Variants in EIF2B4 observed in about 807,000 individuals in gnomAD.
EIF2B4 encodes the protein eukaryotic translation initiation factor 2B subunit delta.
A neutral mutation model predicts 66.7 loss-of-function variants in EIF2B4; 34 were observed. The observed-to-expected ratio is 0.51, with a 90% CI of 0.39 to 0.68. EIF2B4 has a LOEUF of 0.68. Ranked by LOEUF, EIF2B4 falls within the 30% of genes least tolerant of loss-of-function variation. The pLI is 0.00. For missense variants in EIF2B4, 618 were observed against 657.9 expected, an observed-to-expected ratio of 0.94 and a Z score of 0.66; for synonymous variants, 278 against 253.6, an observed-to-expected ratio of 1.10 and a Z score of -0.92.
chr2:27,367,124 G>T lies in EIF2B4; in HGVS notation c.963C>A (p.Arg321=). ...KIVLAAQAIS[R]FAYQKISNGD... Reference sequence around the variant, plus strand: ...CATTACTGATCTTCTGGTAAGCAAAGCGTGAAATTGCCTGAGCTGCTAGCA... The same window carrying T: ...CATTACTGATCTTCTGGTAAGCAAATCGTGAAATTGCCTGAGCTGCTAGCA... Residue 321 remains arginine, a synonymous_variant, in exon 10 of 13, where the codon CGC becomes CGA. Coordinates refer to ENST00000347454, the MANE Select transcript of EIF2B4 (RefSeq NM_001034116.2). 1 of 1,614,194 alleles carries T rather than the reference G, an allele frequency of 6.2e-7. No individual in the cohort carries two copies. The highest frequency in any genetic ancestry group is 8.5e-7 in the Non-Finnish European group (1 of 1,180,048).
In EIF2B4 at chr2:27,364,872, A is replaced by T. The variant is rs753573267; in HGVS notation, c.1218T>A (p.His406Gln). 4 of 1,614,184 alleles carry T rather than the reference A, an allele frequency of 2.5e-6. No homozygotes were observed. Among genetic ancestry groups the T allele is most frequent in the Middle Eastern group, 1.6e-4 (1 of 6,062 alleles). Residue 406 changes from histidine (H) to glutamine (Q), a missense_variant, in exon 12 of 13, where the codon CAT (histidine) becomes CAA (glutamine). Physicochemically the swap from His to Gln is conservative, Grantham distance 24. Around this residue, in one of 4 missense-constraint regions of EIF2B4, gnomAD observed 506 missense variants for 511.9 expected, o/e 0.99. Coordinates refer to ENST00000347454, the MANE Select transcript of EIF2B4 (RefSeq NM_001034116.2). ...PEVSKVLLGA[H>Q]ALLANGSVMS... ...TCACAGACCCGTTGGCCAAGAGTGC[A>T]TGAGCTCCCAATAGCACCTTGGAAA...
At chr2:27,367,361 CA>C in intron 9 of EIF2B4, 95 bp downstream of exon 9, 7 of 1,582,792 alleles carry the variant, frequency 4.4e-6, no homozygotes, top group Non-Finnish European at 5.2e-6. Flanking sequence ...TTGACTAGGG[CA>C]AAAAAAGGCT....
rs534790807 is a variant in EIF2B4, at chr2:27,368,750, A to G, written c.419-17T>C. ...GCTTCACTCCTGAAAGATAATCATC[A>G]TGTTTTCAGGACACTGTAGGTCTTG... On this transcript the variant is annotated splice_polypyrimidine_tract_variant and intron_variant, in intron 4 of 12. Coordinates refer to ENST00000347454, the MANE Select transcript of EIF2B4 (RefSeq NM_001034116.2). 1 of 1,612,860 alleles carries G rather than the reference A, an allele frequency of 6.2e-7. No individual in the cohort carries two copies. The highest frequency in any genetic ancestry group is 1.3e-5 in the African/African-American group (1 of 75,018).
chr2:27,368,928 G>A (rs1682091565), intron 4 of EIF2B4, 78 bp downstream of exon 4: 7 of 1,558,204 alleles, frequency 4.5e-6, no homozygotes, highest in Non-Finnish European at 6.2e-6. Context: ...TGAGAGGGGA[G>A]AGCTGTTTTA....
At chr2:27,366,350 G>T in intron 11 of EIF2B4, 1 of 284,718 alleles carries the variant, frequency 3.5e-6, no homozygotes, top group Non-Finnish European at 6.9e-6. Flanking sequence ...CAGGCATTGA[G>T]CCATGGCACC....
rs1443294556 is a variant in EIF2B4, at chr2:27,369,132, C to A, written c.292G>T (p.Ala98Ser). Residue 98 changes from alanine (A) to serine (S), a missense_variant, in exon 4 of 13, where the codon GCC (alanine) becomes TCC (serine). Around this residue, in one of 4 missense-constraint regions of EIF2B4, gnomAD observed 506 missense variants for 511.9 expected, o/e 0.99. Coordinates refer to ENST00000347454, the MANE Select transcript of EIF2B4 (RefSeq NM_001034116.2). Reference protein sequence around the residue: ...REKVPAGRSKAELRAERRAKQ... With the variant: ...REKVPAGRSKSELRAERRAKQ... ...GCTCGACGCTCAGCCCGAAGTTCGG[C>A]CTTACTCCGACCAGCTGGAACTTTC... 6.2e-7 allele frequency: 1 copy of A among 1,613,918 alleles called. No homozygotes were observed. The highest frequency in any genetic ancestry group is 1.3e-5 in the African/African-American group (1 of 74,874).
chr2:27,367,584 T>C lies in EIF2B4; in HGVS notation c.783-25A>G, dbSNP rs757416877. 9.9e-6 allele frequency: 16 copies of C among 1,612,618 alleles called. 1 individual carries two copies. Among genetic ancestry groups the C allele is most frequent in the Admixed American group, 6.7e-5 (4 of 59,994 alleles). On this transcript the variant is annotated intron_variant, in intron 8 of 12. Transcript: ENST00000347454. ...GCTATAATACAACAGCAATACCTTA[T>C]ATCTGCGCAACTCTTCACAACTTAC...
Position 27,367,738 on chromosome 2 carries a change from G to A in EIF2B4, c.782+8C>T. 1 of 1,608,042 alleles carries A rather than the reference G, an allele frequency of 6.2e-7. No individual in the cohort carries two copies. Among genetic ancestry groups the A allele is most frequent in the Non-Finnish European group, 8.5e-7 (1 of 1,174,480 alleles). ...GAGCTGGGAGTGGACTTATAGTGTT[G>A]TCCCTACCTCATGTAGGGTTTTAGT... On this transcript the variant is annotated splice_region_variant and intron_variant, in intron 8 of 12. Transcript: ENST00000347454.
At chr2:27,370,041 G>A (rs1325216147) in intron 1 of EIF2B4, 122 bp from the exon 2 acceptor site, 2 of 1,510,410 alleles carry the variant, frequency 1.3e-6, no homozygotes, top group African/African-American at 1.4e-5. Context: ...CAGGCGCGAG[G>A]CGAGCCAGGG....
At chr2:27,367,223 G>A (rs770990507) in intron 9 of EIF2B4, 22 bp from the exon 10 acceptor site, 1 of 1,614,100 alleles carries the variant, frequency 6.2e-7, no homozygotes, top group South Asian at 1.1e-5. Flanking sequence ...AAAATCCTTA[G>A]TGAACAAGAA....
At chr2:27,366,542 T>G in intron 11 of EIF2B4, 2 of 615,870 alleles carry the variant, frequency 3.2e-6, no homozygotes, top group Non-Finnish European at 5.8e-6. Flanking sequence ...TAGCTGGGCA[T>G]GGTGGCACAC....
At position 27,367,132 on chromosome 2, in the gene EIF2B4, T is replaced by C. The variant is rs769371305; in HGVS notation, c.955A>G (p.Ile319Val). The change falls in exon 10 of 13, where the codon ATT (isoleucine) becomes GTT (valine). Residue 319 changes from isoleucine (I) to valine (V), a missense_variant. Physicochemically the swap from Ile to Val is conservative, Grantham distance 29 (BLOSUM62 3). Coordinates refer to ENST00000347454, the MANE Select transcript of EIF2B4 (RefSeq NM_001034116.2). ...QEKIVLAAQAISRFAYQKISN... is the reference protein window; with the variant it reads ...QEKIVLAAQAVSRFAYQKISN... ...ATCTTCTGGTAAGCAAAGCGTGAAATTGCCTGAGCTGCTAGCACAATCTTC... is the reference window on the plus strand; with the variant it reads ...ATCTTCTGGTAAGCAAAGCGTGAAACTGCCTGAGCTGCTAGCACAATCTTC... 1.7e-5 allele frequency: 27 copies of C among 1,614,066 alleles called. No homozygotes were observed. In the East Asian group the frequency reaches 3.1e-4, roughly 19 times the overall value.
At chr2:27,370,066 G>C in intron 1 of EIF2B4, 147 bp from the exon 2 acceptor site, 4 of 1,504,078 alleles carry the variant, frequency 2.7e-6, no homozygotes, top group Non-Finnish European at 3.6e-6. Flanking sequence ...GCGTGGGGAC[G>C]CACTGCGCGG....
In EIF2B4 at chr2:27,367,140, G is replaced by C. The variant is rs184607650; in HGVS notation, c.947C>G (p.Ala316Gly). Reference protein sequence around the residue: ...RYVQEKIVLAAQAISRFAYQK... With the variant: ...RYVQEKIVLAGQAISRFAYQK... ...GTAAGCAAAGCGTGAAATTGCCTGAGCTGCTAGCACAATCTTCTCTTGCAC... is the reference window on the plus strand; with the variant it reads ...GTAAGCAAAGCGTGAAATTGCCTGACCTGCTAGCACAATCTTCTCTTGCAC... Residue 316 changes from alanine to glycine, a missense_variant, in exon 10 of 13, where the codon GCT becomes GGT. Coordinates refer to ENST00000347454, the MANE Select transcript of EIF2B4 (RefSeq NM_001034116.2). 2.1e-4 allele frequency: 341 copies of C among 1,614,198 alleles called. 3 individuals are homozygous for C. The highest frequency in any genetic ancestry group is 1.9e-5 in the Non-Finnish European group (22 of 1,180,050).
rs1558293401 is a variant in EIF2B4, at chr2:27,368,826, G to A, written c.419-93C>T. The A allele has an allele frequency of 8.1e-6, 12 of 1,482,508 alleles. No individual in the cohort carries two copies. The East Asian group carries it at 2.5e-4, about 31-fold the overall frequency. The allele number at this position is 1,482,508 out of a possible 1,614,324, so 91.8% of individuals were successfully genotyped here. A position where few individuals can be genotyped will look rare whatever the true frequency, so the allele number is the denominator to read the frequency against. On this transcript the variant is annotated intron_variant, in intron 4 of 12. Transcript: ENST00000347454. The stretch of plus-strand genomic sequence containing the variant: ...TAAGGGGCATCAAGAAAAACAGGAT[G>A]AGGTGGAGAAAACGGGAGAATAGGG...
intron 11 of EIF2B4, 100 bp downstream of exon 11, chr2:27,366,659 C>A (rs1681884592): frequency 6.7e-7 from 1 of 1,483,562 alleles, no homozygotes. Context: ...ATCCTTATCT[C>A]AAAACAAAAA....
intron 1 of EIF2B4, 85 bp downstream of exon 1, chr2:27,370,199 G>C (rs1180266252): frequency 1.5e-5 from 23 of 1,535,366 alleles, no homozygotes; most frequent in Non-Finnish European, 1.9e-5. Context: ...GAGCGGCGGG[G>C]CCCAAAGGCG....
intron 11 of EIF2B4, among the ~76,000 whole-genome samples, chr2:27,365,259 T>C (rs893914584): frequency 6.6e-6 from 1 of 151,880 alleles, no homozygotes; most frequent in Non-Finnish European, 1.5e-5. Flanking sequence ...AGAGACGGGG[T>C]TTCTCCACGT....
Position 27,369,206 on chromosome 2 carries a change from G to C in EIF2B4, c.218C>G (p.Pro73Arg). ...AVSAAQCQVG[P>R]TRELPESGIQ... is the part of the protein sequence containing the mutation. ...GCCCGATTCTGGCAGTTCTCTGGTT[G>C]GGCCTACTAAAAGCATTAAAAAAAA... is the stretch of plus-strand genomic sequence containing the variant. Residue 73 changes from proline (P) to arginine (R), a missense_variant, in exon 4 of 13, where the codon CCA becomes CGA. This residue lies in a region of EIF2B4 where 506 missense variants were observed against 511.9 expected (regional missense o/e 0.99). Transcript: ENST00000347454. 6.2e-7 allele frequency: 1 copy of C among 1,611,558 alleles called. No individual in the cohort carries two copies. The highest frequency in any genetic ancestry group is 2.2e-5 in the East Asian group (1 of 44,864).
Sources: allele counts gnomAD v4.1 joint callset (sites outside exome capture counted in the v4.1 genomes callset), GRCh38; gene constraint gnomAD v4.1.1; regional missense constraint gnomAD v4.1.1; transcripts MANE v1.5; gene names NCBI Gene and HGNC (gene_info 2026-07-23, HGNC 2026-07-21).